C2CD3: variants seen among roughly 807,000 people sequenced by gnomAD.
The protein encoded by C2CD3 is C2 domain containing 3 centriole elongation regulator, also known as C2 domain-containing protein 3.
A neutral mutation model predicts 234.0 loss-of-function variants in C2CD3; 148 were observed. The observed-to-expected ratio is 0.63, with a 90% CI of 0.55 to 0.72. C2CD3 has a LOEUF of 0.72. Among genes scored for constraint, C2CD3 ranks in the 30% least tolerant of loss-of-function variants. C2CD3 has a pLI of 0.00. For synonymous variants in C2CD3, 1,000 were observed against 1,035.4 expected, an observed-to-expected ratio of 0.97 and a Z score of 0.66; for missense variants, 2,577 against 2,811.5, an observed-to-expected ratio of 0.92 and a Z score of 1.89.
intron 11 of C2CD3, among the ~76,000 whole-genome samples, chr11:74,112,022 G>A (rs1956770088): frequency 6.6e-6 from 1 of 151,080 alleles, no homozygotes; most frequent in Admixed American, 6.6e-5. Flanking sequence ...CTTAAGGAAG[G>A]ATATAAAAGC....
At chr11:74,094,118 G>A in intron 17 of C2CD3, 119 bp from the exon 18 acceptor site, 1 of 740,092 alleles carries the variant, frequency 1.4e-6, no homozygotes, top group Non-Finnish European at 2.1e-6. Context: ...GTTCCCTAAG[G>A]TCCCATGATA....
intron 2 of C2CD3, among the ~76,000 whole-genome samples, chr11:74,165,603 G>A (rs1391021844): frequency 6.6e-6 from 1 of 152,132 alleles, no homozygotes; most frequent in Non-Finnish European, 1.5e-5. Flanking sequence ...TTTGGTTAGA[G>A]CACATACTTT....
intron 8 of C2CD3, among the ~76,000 whole-genome samples, chr11:74,120,839 T>G (rs1448924145): frequency 6.6e-6 from 1 of 152,080 alleles, no homozygotes; most frequent in Non-Finnish European, 1.5e-5. Context: ...AGTAGAAGGA[T>G]TAGTACCAGC....
intron 7 of C2CD3, chr11:74,128,401 A>G (rs1957487793): frequency 6.6e-6 from 1 of 152,118 alleles, no homozygotes; most frequent in Non-Finnish European, 1.5e-5. Context: ...AATCCAATTT[A>G]TGTATCTTTT....
intron 11 of C2CD3, chr11:74,113,384 C>A: frequency 4.8e-6 from 1 of 209,806 alleles, no homozygotes; most frequent in South Asian, 7.0e-5. Flanking sequence ...GGTTGCACAG[C>A]CTTGAAAATA....
At chr11:74,089,537 G>T (rs1955794765) in intron 20 of C2CD3, among the ~76,000 whole-genome samples, 1 of 152,204 alleles carries the variant, frequency 6.6e-6, no homozygotes, top group African/African-American at 2.4e-5. Context: ...CTTATTTGGA[G>T]ACCATAAAGT....
chr11:74,130,328 TA>T (rs1957622418), intron 7 of C2CD3, among the ~76,000 whole-genome samples: 3 of 151,858 alleles, frequency 2.0e-5, no homozygotes, highest in Admixed American at 2.0e-4. Context: ...TGGGCTCAAG[TA>T]ATCCTCCTGC....
chr11:74,100,751 T>A, intron 14 of C2CD3, 75 bp from the exon 15 acceptor site: 1 of 1,290,880 alleles, frequency 7.7e-7, no homozygotes, highest in South Asian at 1.4e-5. Context: ...TTTCATTCAA[T>A]AAGCATTTAC....
rs924397708 is a variant in C2CD3, at chr11:74,013,316, T to C, written c.*69A>G. On this transcript the variant is annotated 3_prime_UTR_variant, in exon 33 of 33. Coordinates refer to ENST00000334126, the MANE Select transcript of C2CD3 (RefSeq NM_001286577.2). ...CCCTGAAGGAGCCAGACCTGGTGCC[T>C]CCTGCAAGCTGGACAAAGCTGACGG... 2.8e-5 allele frequency: 14 copies of C among 504,354 alleles called. No homozygotes were observed. The highest frequency in any genetic ancestry group is 4.7e-5 in the Non-Finnish European group (14 of 298,084). The allele number at this position is 504,354 out of a possible 1,614,324, so 31.2% of individuals were successfully genotyped here.
intron 24 of C2CD3, among the ~76,000 whole-genome samples, chr11:74,057,802 G>A (rs1320490255): frequency 6.6e-6 from 1 of 151,800 alleles, no homozygotes; most frequent in Non-Finnish European, 1.5e-5. Flanking sequence ...GAGATCCCAT[G>A]TATAAAAAAA....
At chr11:74,077,476 C>T (rs1955085812) in intron 23 of C2CD3, among the ~76,000 whole-genome samples, 1 of 151,830 alleles carries the variant, frequency 6.6e-6, no homozygotes. Context: ...GAGTTCATGT[C>T]CTTTGCAGGG....
chr11:74,078,640 C>T lies in C2CD3; in HGVS notation c.4078G>A (p.Val1360Met), dbSNP rs752075218. 8.1e-6 allele frequency: 13 copies of T among 1,614,050 alleles called. No homozygotes were observed. Among genetic ancestry groups the T allele is most frequent in the Middle Eastern group, 1.6e-4 (1 of 6,084 alleles). ...PHGLELMQKI[V>M]GGLELSISFT... ...GAAATCGAAAGCTCCAGACCACCCA[C>T]GATCTTCTGCATGAGCTCCAGGCCA... is the stretch of plus-strand genomic sequence containing the variant. Residue 1360 changes from valine to methionine, a missense_variant, in exon 23 of 33, where the codon GTG (valine) becomes ATG (methionine). Coordinates refer to ENST00000334126, the MANE Select transcript of C2CD3 (RefSeq NM_001286577.2).
At chr11:74,023,774 C>T (rs564608002) in intron 32 of C2CD3, among the ~76,000 whole-genome samples, 7 of 152,262 alleles carry the variant, frequency 4.6e-5, no homozygotes, top group South Asian at 2.1e-4. Flanking sequence ...AACAACCTCC[C>T]TTGGTCTCGC....
In C2CD3 at chr11:74,078,561, C is replaced by G. The variant is rs1955178371; in HGVS notation, c.4157G>C (p.Gly1386Ala). The G allele has an allele frequency of 6.2e-7, 1 of 1,614,112 alleles. No individual in the cohort carries two copies. Among genetic ancestry groups the G allele is most frequent in the African/African-American group, 1.3e-5 (1 of 75,032 alleles). The change falls in exon 23 of 33, where the codon GGC becomes GCC. Residue 1386 changes from glycine (G) to alanine (A), a missense_variant. Physicochemically the swap from Gly to Ala is moderately conservative, Grantham distance 60. Transcript: ENST00000334126. ...TTTCAGGCTGTTCTCAAAGCTCCAGCCCAAATGCTCAGCAGCTTCCAACAC... is the reference window on the plus strand; with the variant it reads ...TTTCAGGCTGTTCTCAAAGCTCCAGGCCAAATGCTCAGCAGCTTCCAACAC... The part of the protein sequence containing the change: ...ERVLEAAEHL[G>A]WSFENSLKDF...
intron 22 of C2CD3, among the ~76,000 whole-genome samples, chr11:74,084,077 A>C (rs1955524115): frequency 6.6e-6 from 1 of 152,204 alleles, no homozygotes; most frequent in African/African-American, 2.4e-5. Flanking sequence ...GATTAAGAAA[A>C]TGTGGCACAT....
chr11:74,117,692 T>A (rs1172307427), intron 9 of C2CD3, among the ~76,000 whole-genome samples: 3 of 151,920 alleles, frequency 2.0e-5, no homozygotes, highest in African/African-American at 7.3e-5. Flanking sequence ...GGTGGGCGGA[T>A]CACCTGAGGT....
chr11:74,078,314 C>T lies in C2CD3; in HGVS notation c.4404G>A (p.Lys1468=). The change falls in exon 23 of 33, where the codon AAG becomes AAA. Residue 1468 remains lysine (K), a synonymous_variant. Transcript: ENST00000334126. ...TGGTGACTTCTGCTCTTTTGGATGC[C>T]TTGAAAGTGACCATAATCTGCTTTT... is the stretch of plus-strand genomic sequence containing the variant. ...VNKKQIMVTF[K]ASKRAEVTRG... The T allele has an allele frequency of 6.2e-7, 1 of 1,614,188 alleles. No homozygotes were observed. The highest frequency in any genetic ancestry group is 1.1e-5 in the South Asian group (1 of 91,074).
rs187236046 is a variant in C2CD3, at chr11:74,113,797, C to G, written c.1826G>C (p.Ser609Thr). 1.1e-5 allele frequency: 17 copies of G among 1,597,524 alleles called. No individual in the cohort carries two copies. Among genetic ancestry groups the G allele is most frequent in the Non-Finnish European group, 6.0e-6 (7 of 1,167,860 alleles). Residue 609 changes from serine to threonine, a missense_variant, in exon 11 of 33, where the codon AGT becomes ACT. Ser to Thr is a moderately conservative substitution (Grantham distance 58). Transcript: ENST00000334126. Reference protein sequence around the residue: ...LITEVVRLASSKITDGKVKFQ... With the variant: ...LITEVVRLASTKITDGKVKFQ... ...TCTCTTACTTCCATCTGTAATTTTA[C>G]TGGAGGCGAGTCGAACAACCTCAGT...
intron 4 of C2CD3, 88 bp downstream of exon 4, chr11:74,139,517 T>A (rs1259956460): frequency 2.1e-6 from 2 of 970,386 alleles, no homozygotes; most frequent in Non-Finnish European, 3.3e-6. Context: ...CTGCTGTTAA[T>A]CTTTTACTCA....
Sources: gnomAD v4.1 joint callset for allele counts (sites outside exome capture counted in the v4.1 genomes callset) on GRCh38, gnomAD v4.1.1 for gene constraint, MANE v1.5 for transcripts, NCBI Gene and HGNC (gene_info 2026-07-23, HGNC 2026-07-21) for gene names.